GRIK4: variants seen among roughly 807,000 people sequenced by gnomAD.
GRIK4 encodes glutamate ionotropic receptor kainate type subunit 4.
Under a neutral mutation model 104.9 loss-of-function variants are expected in GRIK4, and 40 were observed. That is an observed-to-expected ratio of 0.38 (90% CI 0.30 to 0.50). The LOEUF (loss-of-function observed/expected upper bound fraction) is 0.50, where lower values mean the gene tolerates loss of function less well. Among genes scored for constraint, GRIK4 ranks in the 20% least tolerant of loss-of-function variants. The pLI is 0.93. For missense variants in GRIK4, 1,047 were observed against 1,308.1 expected (o/e 0.80, Z 3.08); for synonymous variants, 485 against 524.9 (o/e 0.92, Z 1.04).
Position 120,953,108 on chromosome 11 carries a change from C to G in GRIK4, c.1700+144C>G. On this transcript the variant is annotated intron_variant, in intron 15 of 20. Coordinates refer to ENST00000527524, the MANE Select transcript of GRIK4 (RefSeq NM_014619.5). The surrounding 1 kb of genome is among the most constrained non-coding windows in gnomAD (Gnocchi z 4.9). ...CCAAACTAGAAGGACAGGAGAAGGACTGGGGGCCTGAAATGCTCTCTGCCC... is the reference window on the plus strand; with the variant it reads ...CCAAACTAGAAGGACAGGAGAAGGAGTGGGGGCCTGAAATGCTCTCTGCCC... 1.6e-6 allele frequency: 1 copy of G among 626,234 alleles called. No homozygotes were observed. Among genetic ancestry groups the G allele is most frequent in the Non-Finnish European group, 2.8e-6 (1 of 353,804 alleles). 38.8% of individuals were successfully genotyped at this position (626,234 alleles called of 1,614,324 possible).
At chr11:120,660,192 TG>T in intron 2 of GRIK4, 76 bp from the exon 3 acceptor site, 1 of 682,486 alleles carries the variant, frequency 1.5e-6, no homozygotes, top group Non-Finnish European at 2.6e-6. Context: ...CTCCGGCTCC[TG>T]GGTGTCACTG....
chr11:120,800,819 C>T (rs1165357191), intron 3 of GRIK4, among the ~76,000 whole-genome samples: 3 of 152,204 alleles, frequency 2.0e-5, no homozygotes, highest in Non-Finnish European at 4.4e-5. Flanking sequence ...TGGATCTCTG[C>T]GTCCGCGCAG....
intron 3 of GRIK4, among the ~76,000 whole-genome samples, chr11:120,691,134 C>T (rs1950353953): frequency 6.6e-6 from 1 of 152,194 alleles, no homozygotes; most frequent in Non-Finnish European, 1.5e-5. Context: ...TGCTTTCTCT[C>T]TGATGACGCT....
At chr11:120,559,989 C>T (rs1270366264) in intron 1 of GRIK4, among the ~76,000 whole-genome samples, 1 of 152,044 alleles carries the variant, frequency 6.6e-6, no homozygotes, top group Admixed American at 6.6e-5. Context: ...GAGTCCCTAG[C>T]AGTGACATTC....
chr11:120,772,637 A>C (rs982531108), intron 3 of GRIK4, among the ~76,000 whole-genome samples: 4 of 151,720 alleles, frequency 2.6e-5, no homozygotes, highest in East Asian at 1.9e-4. Flanking sequence ...CAGGTGGTGT[A>C]TGTGCGCGCG....
At chr11:120,724,290 A>C (rs1025387972) in intron 3 of GRIK4, among the ~76,000 whole-genome samples, 1 of 152,214 alleles carries the variant, frequency 6.6e-6, no homozygotes, top group African/African-American at 2.4e-5. Flanking sequence ...CTGGGACTAC[A>C]GGTGTAAGTC....
intron 1 of GRIK4, among the ~76,000 whole-genome samples, chr11:120,535,865 C>T (rs1947968440): frequency 6.6e-6 from 1 of 152,216 alleles, no homozygotes; most frequent in Non-Finnish European, 1.5e-5. Flanking sequence ...CTGTGCCTGC[C>T]TTCAGTCAGT....
chr11:120,628,984 T>G (rs1158480992), intron 1 of GRIK4, among the ~76,000 whole-genome samples: 1 of 152,138 alleles, frequency 6.6e-6, no homozygotes. Flanking sequence ...GAACTCGCAG[T>G]CTAGTCAGGG....
intron 17 of GRIK4, among the ~76,000 whole-genome samples, chr11:120,962,037 T>C (rs1009354787): frequency 1.3e-5 from 2 of 151,894 alleles, no homozygotes; most frequent in Non-Finnish European, 2.9e-5. Flanking sequence ...TCAAAGGGTA[T>C]CTCTGTATAG....
chr11:120,809,038 C>G (rs1260356499), intron 4 of GRIK4, among the ~76,000 whole-genome samples: 1 of 152,166 alleles, frequency 6.6e-6, no homozygotes, highest in Non-Finnish European at 1.5e-5. Flanking sequence ...GTCAGTGGCA[C>G]TTACCATTAG....
chr11:120,968,097 A>G (rs1944415260), intron 19 of GRIK4, among the ~76,000 whole-genome samples: 1 of 152,208 alleles, frequency 6.6e-6, no homozygotes, highest in Non-Finnish European at 1.5e-5. Context: ...AGAGCTGGAC[A>G]TGTGGATATT....
At position 120,736,049 on chromosome 11, in the gene GRIK4, G is replaced by T. The variant is rs75897569; in HGVS notation, c.83-66644G>T. 1.1e-4 allele frequency among the ~76,000 whole-genome samples: 17 copies of T among 152,234 alleles called. No homozygotes were observed. In the East Asian group the frequency reaches 3.1e-3, roughly 28 times the overall value. On this transcript the variant is annotated intron_variant, in intron 3 of 20. Coordinates refer to ENST00000527524, the MANE Select transcript of GRIK4 (RefSeq NM_014619.5). The stretch of plus-strand genomic sequence containing the variant: ...TCCTCCTGTGGCCGAGCTAGTAACT[G>T]AAGCCAGTACATCTTAGAGTCTCAC...
chr11:120,589,726 A>G (rs1443732175), intron 1 of GRIK4, among the ~76,000 whole-genome samples: 2 of 152,214 alleles, frequency 1.3e-5, no homozygotes, highest in African/African-American at 4.8e-5. Flanking sequence ...CCTGCCCAGC[A>G]TCTCCTATCA....
intron 1 of GRIK4, among the ~76,000 whole-genome samples, chr11:120,573,965 G>A (rs941858507): frequency 2.0e-5 from 3 of 152,184 alleles, no homozygotes; most frequent in East Asian, 1.9e-4. Context: ...CTCCAGGCTC[G>A]GGGCTGCTAC....
chr11:120,596,366 G>A (rs990263484), intron 1 of GRIK4, among the ~76,000 whole-genome samples: 7 of 152,200 alleles, frequency 4.6e-5, no homozygotes, highest in African/African-American at 9.7e-5. Context: ...AAAATGCAAC[G>A]TGATGAGTGT....
chr11:120,655,592 A>G (rs1019141739), intron 2 of GRIK4, among the ~76,000 whole-genome samples: 19 of 152,234 alleles, frequency 1.2e-4, no homozygotes, highest in African/African-American at 4.6e-4. Flanking sequence ...GAGAAAGACC[A>G]GAGGATGGGG....
At chr11:120,960,522 G>A (rs148382955) in intron 16 of GRIK4, among the ~76,000 whole-genome samples, 141 of 152,328 alleles carry the variant, frequency 9.3e-4, no homozygotes, top group Middle Eastern at 3.4e-3. Context: ...GCTTCAGCAC[G>A]AGGAGGTGAG....
intron 3 of GRIK4, among the ~76,000 whole-genome samples, chr11:120,790,917 G>C (rs1362354937): frequency 1.3e-5 from 2 of 152,170 alleles, no homozygotes; most frequent in Non-Finnish European, 2.9e-5. Flanking sequence ...AAACTGGGAA[G>C]CCAGAAAGAG....
At chr11:120,841,360 A>G (rs1327301206) in intron 8 of GRIK4, among the ~76,000 whole-genome samples, 1 of 152,218 alleles carries the variant, frequency 6.6e-6, no homozygotes, top group East Asian at 1.9e-4. Flanking sequence ...AAGTGGAATC[A>G]TATAATATTT....
Sources: allele counts gnomAD v4.1 joint callset (sites outside exome capture counted in the v4.1 genomes callset), GRCh38; gene constraint gnomAD v4.1.1; non-coding constraint Gnocchi (gnomAD v3.1); transcripts MANE v1.5; gene names NCBI Gene and HGNC (gene_info 2026-07-23, HGNC 2026-07-21).